The following TMEM117 variants were observed in gnomAD, a reference collection of about 807,000 sequenced individuals.
The protein encoded by TMEM117 is transmembrane protein 117.
A neutral mutation model predicts 52.4 loss-of-function variants in TMEM117; 27 were observed. The ratio of observed to expected loss-of-function variants is 0.51; its 90% CI spans 0.38 to 0.71. TMEM117 has a LOEUF of 0.71. Among genes scored for constraint, TMEM117 ranks in the 30% least tolerant of loss-of-function variants. The pLI, the probability that TMEM117 is intolerant of heterozygous loss-of-function variation, is 0.00. For synonymous variants in TMEM117, 215 were observed against 206.3 expected (o/e 1.04, Z -0.36); for missense variants, 556 against 630.5 (o/e 0.88, Z 1.26).
chr12:44,152,456 T>TTCTATA (rs1257805842), intron 4 of TMEM117, among the ~76,000 whole-genome samples: 2,848 of 115,136 alleles, frequency 0.025, 68 homozygotes, highest in Admixed American at 0.033. Flanking sequence ...ATATAAAAAT[T>TTCTATA]TTTATATCTA....
At chr12:44,295,657 T>G (rs1950758847) in intron 5 of TMEM117, among the ~76,000 whole-genome samples, 1 of 151,916 alleles carries the variant, frequency 6.6e-6, no homozygotes, top group African/African-American at 2.4e-5. Context: ...TATTATTGTA[T>G]TCTTCAATCC....
chr12:44,247,982 A>G (rs1290555128), intron 5 of TMEM117, among the ~76,000 whole-genome samples: 2 of 152,184 alleles, frequency 1.3e-5, no homozygotes, highest in Admixed American at 6.5e-5. Context: ...GGCAAGGGAA[A>G]GGTAGGGTTT....
intron 3 of TMEM117, among the ~76,000 whole-genome samples, chr12:44,024,850 TTG>T (rs1465783113): frequency 6.6e-6 from 1 of 152,080 alleles, no homozygotes; most frequent in Non-Finnish European, 1.5e-5. Flanking sequence ...ACATATATAT[TTG>T]TGTTTGTATA....
intron 4 of TMEM117, among the ~76,000 whole-genome samples, chr12:44,148,085 A>T (rs1173696246): frequency 6.6e-6 from 1 of 152,212 alleles, no homozygotes; most frequent in Non-Finnish European, 1.5e-5. Flanking sequence ...TAGCCCTAGG[A>T]TTATCTGTCG....
In TMEM117 at chr12:44,378,401, C is replaced by T. The variant is rs559961925; in HGVS notation, c.898+1677C>T. Among the ~76,000 whole-genome samples, 12 of 152,174 alleles carry T rather than the reference C, an allele frequency of 7.9e-5. No homozygotes were observed. The South Asian group carries it at 1.0e-3, about 13-fold the overall frequency. On this transcript the variant is annotated intron_variant, in intron 7 of 7. Coordinates refer to ENST00000266534, the MANE Select transcript of TMEM117 (RefSeq NM_032256.3). ...TCCAGAGTTTACACAATGTGGAATA[C>T]TCTGTTTAAGAAGATGAATATAAAA...
At chr12:44,044,396 T>C (rs1042186310) in intron 3 of TMEM117, among the ~76,000 whole-genome samples, 1 of 152,216 alleles carries the variant, frequency 6.6e-6, no homozygotes, top group African/African-American at 2.4e-5. Flanking sequence ...CGTTTGACCA[T>C]GGATCATCAA....
intron 6 of TMEM117, 32 bp downstream of exon 6, chr12:44,299,771 G>A: frequency 6.2e-7 from 1 of 1,611,968 alleles, no homozygotes; most frequent in Non-Finnish European, 8.5e-7. Flanking sequence ...CAGTGAAGCT[G>A]CTGCATGCTC....
intron 3 of TMEM117, among the ~76,000 whole-genome samples, chr12:44,059,056 C>T (rs1043457997): frequency 1.3e-5 from 2 of 152,136 alleles, no homozygotes; most frequent in African/African-American, 4.8e-5. Flanking sequence ...ACCTAGATTG[C>T]TCACATGCAC....
At chr12:44,031,433 A>G (rs1946631098) in intron 3 of TMEM117, among the ~76,000 whole-genome samples, 1 of 152,210 alleles carries the variant, frequency 6.6e-6, no homozygotes, top group South Asian at 2.1e-4. Context: ...GGACTTCGAC[A>G]GGTGCATTTA....
At chr12:44,257,440 C>T (rs941375683) in intron 5 of TMEM117, among the ~76,000 whole-genome samples, 1 of 152,046 alleles carries the variant, frequency 6.6e-6, no homozygotes, top group Non-Finnish European at 1.5e-5. Context: ...TCCTTTTAGC[C>T]ATCTCCAGTA....
At chr12:43,873,635 T>G (rs1326068981) in intron 2 of TMEM117, among the ~76,000 whole-genome samples, 1 of 152,162 alleles carries the variant, frequency 6.6e-6, no homozygotes, top group Admixed American at 6.5e-5. Context: ...ACTTTTGTTC[T>G]AATCTTAAAT....
At chr12:43,912,504 A>ATATATATAT in intron 2 of TMEM117, among the ~76,000 whole-genome samples, 1 of 94,422 alleles carries the variant, frequency 1.1e-5, no homozygotes, top group African/African-American at 9.4e-5. Flanking sequence ...TAATAATAAT[A>ATATATATAT]ATTTATATAT....
chr12:43,805,255 TGA>T, the TMEM117 span, among the ~76,000 whole-genome samples: 6 of 150,670 alleles, frequency 4.0e-5, no homozygotes, highest in East Asian at 1.2e-3. Context: ...GGCTCAAGCA[TGA>T]GAGTCAATAA....
intron 7 of TMEM117, among the ~76,000 whole-genome samples, chr12:44,379,878 A>AAAAGT (rs1951996179): frequency 6.6e-6 from 1 of 152,164 alleles, no homozygotes; most frequent in African/African-American, 2.4e-5. Context: ...TATTAAGCAT[A>AAAAGT]AAACCCTCTA....
chr12:44,254,170 C>T (rs1251702006), intron 5 of TMEM117, among the ~76,000 whole-genome samples: 2 of 151,842 alleles, frequency 1.3e-5, no homozygotes, highest in East Asian at 3.9e-4. Flanking sequence ...AAAATCACCA[C>T]AAGTAAAAAG....
At chr12:44,329,277 A>C (rs1420474216) in intron 6 of TMEM117, among the ~76,000 whole-genome samples, 1 of 152,138 alleles carries the variant, frequency 6.6e-6, no homozygotes, top group Non-Finnish European at 1.5e-5. Context: ...GTATCAACCA[A>C]TACCATGATG....
At chr12:43,881,206 A>G (rs543297342) in intron 2 of TMEM117, among the ~76,000 whole-genome samples, 17 of 152,288 alleles carry the variant, frequency 1.1e-4, no homozygotes, top group Non-Finnish European at 2.1e-4. Flanking sequence ...CAAGGCTAGG[A>G]TTTATTTTAC....
intron 3 of TMEM117, among the ~76,000 whole-genome samples, chr12:44,088,669 C>T (rs1397712788): frequency 2.6e-5 from 4 of 152,134 alleles, no homozygotes; most frequent in Admixed American, 1.3e-4. Flanking sequence ...CTGAAGATGT[C>T]GGGAGACTTC....
At chr12:44,314,212 A>G (rs1038293599) in intron 6 of TMEM117, among the ~76,000 whole-genome samples, 2 of 152,200 alleles carry the variant, frequency 1.3e-5, no homozygotes, top group African/African-American at 2.4e-5. Flanking sequence ...TTGCCCAGTC[A>G]GAATGATGTT....
Sources: gnomAD v4.1 joint callset for allele counts (sites outside exome capture counted in the v4.1 genomes callset) on GRCh38, gnomAD v4.1.1 for gene constraint, MANE v1.5 for transcripts, NCBI Gene and HGNC (gene_info 2026-07-23, HGNC 2026-07-21) for gene names.